DPP6: variants seen among roughly 807,000 people sequenced by gnomAD.
DPP6 encodes the protein dipeptidyl peptidase like 6, also known as A-type potassium channel modulatory protein DPP6.
Under a neutral mutation model 122.6 loss-of-function variants are expected in DPP6, and 69 were observed. The observed-to-expected ratio is 0.56, with a 90% CI of 0.46 to 0.69. The LOEUF (loss-of-function observed/expected upper bound fraction) is 0.69. DPP6 is among the 30% of genes least tolerant of loss of function. The pLI is 0.00. For missense variants in DPP6, 928 were observed against 1,116.9 expected, an observed-to-expected ratio of 0.83 and a Z score of 2.41; for synonymous variants, 418 against 433.1, an observed-to-expected ratio of 0.97 and a Z score of 0.43.
chr7:153,804,583 A>C, the DPP6 span, among the ~76,000 whole-genome samples: 9,961 of 152,180 alleles, frequency 0.065, 421 homozygotes, highest in East Asian at 0.17. Context: ...GTGCAAAAGT[A>C]ATTGAGGTTT....
intron 1 of DPP6, among the ~76,000 whole-genome samples, chr7:154,141,143 T>C (rs977759312): frequency 4.6e-5 from 7 of 152,212 alleles, no homozygotes; most frequent in Non-Finnish European, 8.8e-5. Context: ...AGCATGGGTG[T>C]GTGGGCTACT....
chr7:154,181,515 C>T (rs1798081438), intron 1 of DPP6, among the ~76,000 whole-genome samples: 1 of 152,176 alleles, frequency 6.6e-6, no homozygotes, highest in African/African-American at 2.4e-5. Flanking sequence ...TCCTGAAACT[C>T]CTGTCCTCTT....
intron 8 of DPP6, among the ~76,000 whole-genome samples, chr7:154,745,290 G>A (rs377185356): frequency 1.3e-5 from 2 of 152,292 alleles, no homozygotes; most frequent in South Asian, 2.1e-4. Flanking sequence ...GGCTCCGCAC[G>A]TCCCAGTGAC....
chr7:154,832,808 C>T (rs551785555), intron 16 of DPP6, among the ~76,000 whole-genome samples: 3 of 152,190 alleles, frequency 2.0e-5, no homozygotes, highest in South Asian at 2.1e-4. Flanking sequence ...CTCGCAGGAC[C>T]GTGATGGGTT....
At chr7:154,430,668 G>A (rs781598906) in intron 1 of DPP6, among the ~76,000 whole-genome samples, 1 of 152,170 alleles carries the variant, frequency 6.6e-6, no homozygotes, top group African/African-American at 2.4e-5. Context: ...GCCCTTTGGT[G>A]GTGTTTGCAT....
chr7:154,307,681 C>T (rs983703322), intron 1 of DPP6, among the ~76,000 whole-genome samples: 4 of 152,070 alleles, frequency 2.6e-5, no homozygotes, highest in African/African-American at 9.7e-5. Flanking sequence ...TCTCTTATTC[C>T]TGCATTATAT....
chr7:153,786,174 G>C, the DPP6 span, among the ~76,000 whole-genome samples: 3 of 151,834 alleles, frequency 2.0e-5, no homozygotes, highest in African/African-American at 7.3e-5. Flanking sequence ...GAGAGTTCTT[G>C]CTAGTCATTT....
chr7:154,399,733 A>G (rs1029820710), intron 1 of DPP6, among the ~76,000 whole-genome samples: 1 of 152,140 alleles, frequency 6.6e-6, no homozygotes, highest in Non-Finnish European at 1.5e-5. Context: ...GCATGGGAGA[A>G]CGCAGGGGTG....
intron 1 of DPP6, among the ~76,000 whole-genome samples, chr7:153,890,855 CT>C (rs11367327): frequency 0.77 from 96,350 of 125,122 alleles, 36,759 homozygotes; most frequent in African/African-American, 0.83. Flanking sequence ...CCATGCCTGG[CT>C]TTTTTTTTTT....
At chr7:154,727,912 A>G (rs1419260270) in intron 8 of DPP6, 25 bp downstream of exon 8, 7 of 1,563,306 alleles carry the variant, frequency 4.5e-6, no homozygotes, top group Non-Finnish European at 6.1e-6. Context: ...GAGAGAAAAA[A>G]GGAAGATTTG....
chr7:154,288,880 A>G (rs1393730214), intron 1 of DPP6, among the ~76,000 whole-genome samples: 3 of 152,236 alleles, frequency 2.0e-5, no homozygotes, highest in Non-Finnish European at 4.4e-5. Context: ...TGAAAGGGAA[A>G]GTTATACTTT....
At chr7:154,492,935 A>G (rs2151390386) in intron 3 of DPP6, among the ~76,000 whole-genome samples, 1 of 152,334 alleles carries the variant, frequency 6.6e-6, no homozygotes, top group Middle Eastern at 3.4e-3. Context: ...GATGTAACCC[A>G]AATAGAAAAA....
the DPP6 span, among the ~76,000 whole-genome samples, chr7:153,870,875 A>C: frequency 3.3e-5 from 5 of 152,028 alleles, no homozygotes; most frequent in African/African-American, 1.2e-4. Context: ...AACAGACAGG[A>C]CCCTCAGCTG....
chr7:153,909,807 G>A (rs1800002779), intron 1 of DPP6, among the ~76,000 whole-genome samples: 1 of 152,082 alleles, frequency 6.6e-6, no homozygotes, highest in African/African-American at 2.4e-5. Flanking sequence ...TCCTCCAGAG[G>A]GGACACAATT....
intron 1 of DPP6, among the ~76,000 whole-genome samples, chr7:154,193,409 C>T (rs771603007): frequency 6.6e-6 from 1 of 152,104 alleles, no homozygotes; most frequent in Non-Finnish European, 1.5e-5. Flanking sequence ...CTGTTAGAGC[C>T]CCATTTGGGC....
intron 1 of DPP6, among the ~76,000 whole-genome samples, chr7:154,199,825 G>A (rs1799074648): frequency 6.6e-6 from 1 of 151,986 alleles, no homozygotes; most frequent in Non-Finnish European, 1.5e-5. Flanking sequence ...TCAGGCTAGT[G>A]TCTAACTCCT....
At chr7:154,426,481 G>T (rs1243802163) in intron 1 of DPP6, among the ~76,000 whole-genome samples, 1 of 152,154 alleles carries the variant, frequency 6.6e-6, no homozygotes, top group African/African-American at 2.4e-5. Context: ...CAGTTCCGTA[G>T]TAGAGACAGA....
intron 5 of DPP6, among the ~76,000 whole-genome samples, chr7:154,582,424 C>T (rs75424436): frequency 0.013 from 2,045 of 152,318 alleles, 65 homozygotes; most frequent in African/African-American, 0.046. Context: ...CAGAATGCTG[C>T]TTTGGTTCTC....
chr7:154,252,638 A>T (rs1802425069), intron 1 of DPP6, among the ~76,000 whole-genome samples: 1 of 152,234 alleles, frequency 6.6e-6, no homozygotes, highest in African/African-American at 2.4e-5. Flanking sequence ...CAGGAGAATC[A>T]TTAGGATGTA....
Sources: allele counts gnomAD v4.1 joint callset (sites outside exome capture counted in the v4.1 genomes callset), GRCh38; gene constraint gnomAD v4.1.1; transcripts MANE v1.5; gene names NCBI Gene and HGNC (gene_info 2026-07-23, HGNC 2026-07-21).